CACNA2D3: variants seen among roughly 807,000 people sequenced by gnomAD.
CACNA2D3 encodes the protein calcium voltage-gated channel auxiliary subunit alpha2delta 3.
In CACNA2D3, 60 loss-of-function variants were observed where a neutral mutation model predicts 160.6. That is an observed-to-expected ratio of 0.37 (90% CI 0.30 to 0.46). The LOEUF is 0.46. Among genes scored for constraint, CACNA2D3 ranks in the 20% least tolerant of loss-of-function variants. CACNA2D3 has a pLI of 1.00. For missense variants in CACNA2D3, 1,205 were observed against 1,365.0 expected (o/e 0.88, Z 1.85); for synonymous variants, 558 against 492.9 (o/e 1.13, Z -1.75).
chr3:54,144,873 C>T (rs1242403623), intron 2 of CACNA2D3, among the ~76,000 whole-genome samples: 1 of 152,208 alleles, frequency 6.6e-6, no homozygotes, highest in Non-Finnish European at 1.5e-5. Context: ...TTTATTCCAA[C>T]CTTCAAGCTT....
At chr3:54,402,263 A>T (rs1397183610) in intron 4 of CACNA2D3, among the ~76,000 whole-genome samples, 1 of 152,168 alleles carries the variant, frequency 6.6e-6, no homozygotes, top group East Asian at 1.9e-4. Context: ...ATAAAATGGC[A>T]GTAATAATTC....
At chr3:54,149,043 G>C (rs1240379190) in intron 2 of CACNA2D3, among the ~76,000 whole-genome samples, 2 of 151,916 alleles carry the variant, frequency 1.3e-5, no homozygotes, top group East Asian at 3.9e-4. Flanking sequence ...GAGAAGTGAG[G>C]GATCCTGAGG....
chr3:54,307,821 C>CTTTA (rs1012074284), intron 2 of CACNA2D3, among the ~76,000 whole-genome samples: 7 of 152,190 alleles, frequency 4.6e-5, no homozygotes, highest in African/African-American at 1.7e-4. Context: ...ATTTAAAAGA[C>CTTTA]TTTAGTTAAG....
At chr3:54,641,042 GAA>G (rs199499230) in intron 10 of CACNA2D3, among the ~76,000 whole-genome samples, 8 of 132,754 alleles carry the variant, frequency 6.0e-5, no homozygotes, top group African/African-American at 1.9e-4. Context: ...GGATCTATTG[GAA>G]AAAAAAAAAA....
chr3:54,888,826 T>C (rs972004922), intron 24 of CACNA2D3, among the ~76,000 whole-genome samples: 1 of 152,140 alleles, frequency 6.6e-6, no homozygotes, highest in South Asian at 2.1e-4. Flanking sequence ...ACTCATCAAG[T>C]CTTGACTGTG....
chr3:54,812,995 T>G (rs1703359171), intron 13 of CACNA2D3, among the ~76,000 whole-genome samples: 4 of 152,214 alleles, frequency 2.6e-5, no homozygotes, highest in Non-Finnish European at 5.9e-5. Flanking sequence ...TGCTGTCACC[T>G]TTATCTTCAT....
At chr3:54,568,417 C>T (rs901511854) in intron 6 of CACNA2D3, among the ~76,000 whole-genome samples, 1 of 152,130 alleles carries the variant, frequency 6.6e-6, no homozygotes, top group African/African-American at 2.4e-5. Context: ...GAACACCTCC[C>T]GTGGGTCAAC....
At chr3:54,360,933 C>G (rs374781237) in intron 3 of CACNA2D3, among the ~76,000 whole-genome samples, 17 of 151,656 alleles carry the variant, frequency 1.1e-4, no homozygotes, top group Non-Finnish European at 1.5e-5. Context: ...TTAAAAAATT[C>G]GAAAATGTAG....
rs1323895685 is a variant in CACNA2D3 at position 54,763,809 on chromosome 3, A to ATGTATATATG, written c.1247-408_1247-407insGTATATATGT. 5.1e-4 allele frequency among the ~76,000 whole-genome samples: 8 copies of ATGTATATATG among 15,736 alleles called. 3 individuals carry two copies. The highest frequency in any genetic ancestry group is 1.9e-3 in the African/African-American group (8 of 4,130). The allele number at this position is 15,736 out of a possible 152,430, so 10.3% of individuals were successfully genotyped here. A position where few individuals can be genotyped will look rare whatever the true frequency, so the allele number is the denominator to read the frequency against. Reference sequence around the variant, plus strand: ...TATATGTATATATATGTACATATATATACATATATATATACGTATATATAT... The same window carrying ATGTATATATG: ...TATATGTATATATATGTACATATATATGTATATATGTACATATATATATACGTATATATAT... On this transcript the variant is annotated intron_variant, in intron 12 of 37. Coordinates refer to ENST00000474759, the MANE Select transcript of CACNA2D3 (RefSeq NM_018398.3).
chr3:54,276,586 A>AG (rs200169837), intron 2 of CACNA2D3, among the ~76,000 whole-genome samples: 2 of 146,606 alleles, frequency 1.4e-5, no homozygotes, highest in Non-Finnish European at 3.0e-5. Flanking sequence ...AAAAAAAAAA[A>AG]AAAAGAAGAA....
At chr3:54,919,408 A>G (rs1700770684) in intron 27 of CACNA2D3, among the ~76,000 whole-genome samples, 1 of 152,238 alleles carries the variant, frequency 6.6e-6, no homozygotes, top group South Asian at 2.1e-4. Context: ...GAGAGGTGGA[A>G]TGGTCTTGGA....
chr3:54,490,670 A>C (rs921227225), intron 4 of CACNA2D3, among the ~76,000 whole-genome samples: 1 of 152,208 alleles, frequency 6.6e-6, no homozygotes, highest in East Asian at 1.9e-4. Flanking sequence ...GCTGGGAAGG[A>C]CAGATGCTCC....
chr3:54,919,363 C>G (rs1216890356), intron 27 of CACNA2D3, among the ~76,000 whole-genome samples: 1 of 152,150 alleles, frequency 6.6e-6, no homozygotes, highest in Non-Finnish European at 1.5e-5. Flanking sequence ...TACAAAGATC[C>G]TGTGTGTCTC....
At chr3:54,897,287 A>G (rs1700213344) in intron 26 of CACNA2D3, among the ~76,000 whole-genome samples, 1 of 152,188 alleles carries the variant, frequency 6.6e-6, no homozygotes. Context: ...GATATGCCGG[A>G]CTAAGGACTG....
intron 2 of CACNA2D3, among the ~76,000 whole-genome samples, chr3:54,244,949 C>T (rs755650512): frequency 2.6e-5 from 4 of 152,264 alleles, no homozygotes; most frequent in East Asian, 1.9e-4. Context: ...GCCTTTTATG[C>T]GGAAGCCAGA....
chr3:54,322,781 C>T (rs1053071848), intron 3 of CACNA2D3, among the ~76,000 whole-genome samples: 3 of 151,706 alleles, frequency 2.0e-5, no homozygotes, highest in Admixed American at 6.6e-5. Flanking sequence ...TTCGTATTGC[C>T]TAATTTTAAA....
chr3:54,452,701 C>T (rs1700329267), intron 4 of CACNA2D3, among the ~76,000 whole-genome samples: 2 of 152,174 alleles, frequency 1.3e-5, no homozygotes, highest in South Asian at 4.1e-4. Flanking sequence ...CAAAATACCA[C>T]AAAGTTGTGG....
chr3:54,740,805 A>G lies in CACNA2D3; in HGVS notation c.1168-11794A>G, dbSNP rs13325173. ...GATGGGTTGGGAAAATAGAAATGAC[A>G]AGAACTTGGGAAAAGGCAACTGTGC... On this transcript the variant is annotated intron_variant, in intron 11 of 37. Coordinates refer to ENST00000474759, the MANE Select transcript of CACNA2D3 (RefSeq NM_018398.3). Among the ~76,000 whole-genome samples, 866 of 152,310 alleles carry G rather than the reference A, an allele frequency of 5.7e-3. 4 individuals carry two copies. The highest frequency in any genetic ancestry group is 0.02 in the African/African-American group (834 of 41,560).
At chr3:54,453,862 G>A (rs1468014746) in intron 4 of CACNA2D3, among the ~76,000 whole-genome samples, 1 of 152,172 alleles carries the variant, frequency 6.6e-6, no homozygotes, top group Non-Finnish European at 1.5e-5. Context: ...GTCCCCACAT[G>A]TTGGGGAGAT....
Sources: gnomAD v4.1 joint callset for allele counts (sites outside exome capture counted in the v4.1 genomes callset) on GRCh38, gnomAD v4.1.1 for gene constraint, MANE v1.5 for transcripts, NCBI Gene and HGNC (gene_info 2026-07-23, HGNC 2026-07-21) for gene names.